CADM2: variants seen among roughly 807,000 people sequenced by gnomAD.
CADM2 encodes immunoglobulin superfamily member 4D.
CADM2 carries 12 observed loss-of-function variants against 49.8 expected under a neutral mutation model. The observed-to-expected ratio is 0.24, with a 90% CI of 0.15 to 0.39. The LOEUF (loss-of-function observed/expected upper bound fraction) is 0.39, where lower values mean the gene tolerates loss of function less well. Among genes scored for constraint, CADM2 ranks in the 10% least tolerant of loss-of-function variants. The pLI is 1.00. For missense variants in CADM2, 378 were observed against 492.3 expected (o/e 0.77, Z 2.20); for synonymous variants, 214 against 175.4 (o/e 1.22, Z -1.74).
Position 86,061,224 on chromosome 3 carries a change from A to G in CADM2, c.971-4381A>G, listed in dbSNP as rs549052184. On this transcript the variant is annotated intron_variant, in intron 8 of 9. Coordinates refer to ENST00000383699, the MANE Select transcript of CADM2 (RefSeq NM_001167675.2). ...AGCAAAATGTATTTATAAGTTTATA[A>G]ATCCCAATAAATAATCTGTTATATT... 7.9e-5 allele frequency among the ~76,000 whole-genome samples: 12 copies of G among 152,190 alleles called. 1 individual carries two copies. The East Asian group carries it at 2.3e-3, about 29-fold the overall frequency.
intron 3 of CADM2, among the ~76,000 whole-genome samples, chr3:85,843,321 C>G (rs2074722448): frequency 6.6e-6 from 1 of 151,986 alleles, no homozygotes; most frequent in South Asian, 2.1e-4. Context: ...TAACCCCAGC[C>G]TTAGTAATGT....
rs545403677 is a variant in CADM2, at chr3:85,665,469, T to TA, written c.62-61053_62-61052insA. Reference sequence around the variant, plus strand: ...GAACTTAGTTGTTATTTAACATATATTTTTAGTAACAGTTAATTTTGTTTT... The same window carrying TA: ...GAACTTAGTTGTTATTTAACATATATATTTTAGTAACAGTTAATTTTGTTTT... On this transcript the variant is annotated intron_variant, in intron 1 of 9. Coordinates refer to ENST00000383699, the MANE Select transcript of CADM2 (RefSeq NM_001167675.2). Among the ~76,000 whole-genome samples, 485 of 152,112 alleles carry TA rather than the reference T, an allele frequency of 3.2e-3. 3 individuals carry two copies. The highest frequency in any genetic ancestry group is 0.011 in the African/African-American group (463 of 41,550).
At chr3:85,727,512 G>C (rs956548986) in intron 2 of CADM2, among the ~76,000 whole-genome samples, 2 of 152,098 alleles carry the variant, frequency 1.3e-5, no homozygotes, top group Non-Finnish European at 2.9e-5. Context: ...AAGTGTTGTG[G>C]AAAATCAGCC....
intron 1 of CADM2, among the ~76,000 whole-genome samples, chr3:85,200,285 T>C (rs1369876195): frequency 6.6e-6 from 1 of 152,076 alleles, no homozygotes; most frequent in Non-Finnish European, 1.5e-5. Context: ...AACTGTGTTT[T>C]CCCTTGACTT....
intron 1 of CADM2, among the ~76,000 whole-genome samples, chr3:85,055,283 C>T (rs1205407483): frequency 6.6e-6 from 1 of 151,976 alleles, no homozygotes; most frequent in East Asian, 1.9e-4. Flanking sequence ...GGCTTAATCA[C>T]ATAGATCAAG....
chr3:85,708,680 A>G lies in CADM2; in HGVS notation c.62-17842A>G, dbSNP rs573227944. ...AAAATAAAAATGAATCCACAAATTA[A>G]CCAAAGCCTATTTTCTGCACATTCC... On this transcript the variant is annotated intron_variant, in intron 1 of 9. Coordinates refer to ENST00000383699, the MANE Select transcript of CADM2 (RefSeq NM_001167675.2). 4.6e-5 allele frequency among the ~76,000 whole-genome samples: 7 copies of G among 152,306 alleles called. No individual in the cohort carries two copies. The South Asian group carries it at 1.4e-3, about 32-fold the overall frequency.
chr3:86,023,988 T>C (rs1234291352), intron 8 of CADM2, among the ~76,000 whole-genome samples: 1 of 152,202 alleles, frequency 6.6e-6, no homozygotes, highest in Admixed American at 6.5e-5. Context: ...CATGCTCCCA[T>C]TTCAATCAAA....
chr3:85,157,796 T>C lies in CADM2; in HGVS notation c.61+198128T>C, dbSNP rs576990885. ...TAGGCATGGGCAAGGACTTCATGTC[T>C]AAAACACCAAAAGCAATGGCAATAA... On this transcript the variant is annotated intron_variant, in intron 1 of 9. Transcript: ENST00000383699. Among the ~76,000 whole-genome samples, 1,043 of 152,162 alleles carry C rather than the reference T, an allele frequency of 6.9e-3. 8 individuals carry two copies. The highest frequency in any genetic ancestry group is 0.023 in the African/African-American group (953 of 41,498).
intron 1 of CADM2, among the ~76,000 whole-genome samples, chr3:85,265,191 C>T (rs976318150): frequency 2.6e-5 from 4 of 151,892 alleles, no homozygotes; most frequent in Admixed American, 1.3e-4. Flanking sequence ...AATGACAAAA[C>T]TTTAGATCTG....
At chr3:85,637,800 A>T (rs933263218) in intron 1 of CADM2, among the ~76,000 whole-genome samples, 2 of 152,036 alleles carry the variant, frequency 1.3e-5, no homozygotes, top group African/African-American at 4.8e-5. Context: ...TAATGTCCCT[A>T]CCATTCAAGA....
intron 1 of CADM2, among the ~76,000 whole-genome samples, chr3:85,590,703 A>G (rs919042925): frequency 6.6e-6 from 1 of 151,920 alleles, no homozygotes; most frequent in African/African-American, 2.4e-5. Flanking sequence ...AACATAGGTG[A>G]TAAGGAATGA....
intron 1 of CADM2, among the ~76,000 whole-genome samples, chr3:85,459,730 C>T (rs962903774): frequency 6.6e-6 from 1 of 151,956 alleles, no homozygotes; most frequent in Non-Finnish European, 1.5e-5. Flanking sequence ...TCAGTTTATT[C>T]CTATTGTATT....
At chr3:85,247,500 G>A (rs976605134) in intron 1 of CADM2, among the ~76,000 whole-genome samples, 1 of 152,078 alleles carries the variant, frequency 6.6e-6, no homozygotes, top group East Asian at 1.9e-4. Flanking sequence ...GGAATTATAA[G>A]ATATTGCAAA....
At chr3:85,313,770 T>C (rs1342134356) in intron 1 of CADM2, among the ~76,000 whole-genome samples, 4 of 152,246 alleles carry the variant, frequency 2.6e-5, no homozygotes, top group Non-Finnish European at 5.9e-5. Flanking sequence ...AGTTATAGAA[T>C]GATATATTTC....
At chr3:85,320,583 C>T (rs1355287279) in intron 1 of CADM2, among the ~76,000 whole-genome samples, 1 of 152,148 alleles carries the variant, frequency 6.6e-6, no homozygotes, top group Non-Finnish European at 1.5e-5. Context: ...GGCCAACAGA[C>T]TTTCACTTTG....
chr3:85,196,223 A>C (rs1213977836), intron 1 of CADM2, among the ~76,000 whole-genome samples: 2 of 152,028 alleles, frequency 1.3e-5, no homozygotes, highest in African/African-American at 4.8e-5. Flanking sequence ...TGTTATTATT[A>C]ATCATAATTT....
At chr3:85,000,860 A>T (rs1271670951) in intron 1 of CADM2, among the ~76,000 whole-genome samples, 1 of 152,084 alleles carries the variant, frequency 6.6e-6, no homozygotes, top group Non-Finnish European at 1.5e-5. Flanking sequence ...ATAACTTGAT[A>T]CTCATGATTA....
chr3:85,910,047 T>C (rs950176948), intron 5 of CADM2, among the ~76,000 whole-genome samples: 9 of 152,216 alleles, frequency 5.9e-5, no homozygotes, highest in Non-Finnish European at 1.3e-4. Flanking sequence ...TTTACTTGAA[T>C]TAGTTCATTA....
chr3:85,201,533 A>G (rs757463693), intron 1 of CADM2, among the ~76,000 whole-genome samples: 1 of 152,200 alleles, frequency 6.6e-6, no homozygotes, highest in Admixed American at 6.5e-5. Context: ...TAATGCAATG[A>G]TGAAGTTTGC....
Sources: allele counts gnomAD v4.1 joint callset (sites outside exome capture counted in the v4.1 genomes callset), GRCh38; gene constraint gnomAD v4.1.1; transcripts MANE v1.5; gene names NCBI Gene and HGNC (gene_info 2026-07-23, HGNC 2026-07-21).